Variants in SCN2A observed in about 807,000 individuals in gnomAD.
The protein encoded by SCN2A is sodium voltage-gated channel alpha subunit 2.
SCN2A carries 20 observed loss-of-function variants against 188.7 expected under a neutral mutation model. The ratio of observed to expected loss-of-function variants is 0.11; its 90% CI spans 0.07 to 0.15. SCN2A has a LOEUF of 0.15. SCN2A is among the 10% of genes least tolerant of loss of function. The probability of loss-of-function intolerance (pLI) is 1.00; values close to 1 mark genes in which losing one functional copy is unlikely to be tolerated. For missense variants in SCN2A, 1,278 were observed against 2,445.0 expected (o/e 0.52, Z 10.07); for synonymous variants, 804 against 833.1 (o/e 0.97, Z 0.60).
At chr2:165,356,653 T>C (rs1700194884) in intron 17 of SCN2A, among the ~76,000 whole-genome samples, 1 of 152,220 alleles carries the variant, frequency 6.6e-6, no homozygotes, top group South Asian at 2.1e-4. Context: ...ATTGGCTAGT[T>C]TAATCTTTTA....
Position 165,367,282 on chromosome 2 carries a change from A to G in SCN2A, c.3586A>G (p.Asn1196Asp), listed in dbSNP as rs796053199. The change falls in exon 19 of 27, where the codon AAT becomes GAT. Residue 1196 changes from asparagine (N) to aspartate (D), a missense_variant. This residue lies in a region of SCN2A where 228 missense variants were observed against 297.3 expected (regional missense o/e 0.77). Transcript: ENST00000375437. ...IEEGKGKLWWNLRKTCYKIVE... is the reference protein window; with the variant it reads ...IEEGKGKLWWDLRKTCYKIVE... Reference sequence around the variant, plus strand: ...AGAAGGCAAAGGGAAACTCTGGTGGAATTTGAGGAAAACATGCTATAAGAT... The same window carrying G: ...AGAAGGCAAAGGGAAACTCTGGTGGGATTTGAGGAAAACATGCTATAAGAT... 1 of 1,614,024 alleles carries G rather than the reference A, an allele frequency of 6.2e-7. No homozygotes were observed.
chr2:165,373,153 C>T (rs1404129868), intron 20 of SCN2A, 72 bp from the exon 21 acceptor site: 11 of 1,518,774 alleles, frequency 7.2e-6, no homozygotes, highest in Non-Finnish European at 8.2e-6. Flanking sequence ...TGATTCATTG[C>T]ATAGAGCAAG....
chr2:165,380,943 A>C, intron 24 of SCN2A, 150 bp from the exon 25 acceptor site: 1 of 686,838 alleles, frequency 1.5e-6, no homozygotes, highest in Non-Finnish European at 2.5e-6. Context: ...ATATGGCATA[A>C]TTTATATATT....
chr2:165,312,917 A>G (rs990664329), intron 8 of SCN2A, among the ~76,000 whole-genome samples: 1 of 152,144 alleles, frequency 6.6e-6, no homozygotes, highest in Admixed American at 6.6e-5. Context: ...GATCAGTGCT[A>G]TGCTGCCTTT....
chr2:165,277,651 G>A (rs116356414), intron 1 of SCN2A, among the ~76,000 whole-genome samples: 3,750 of 152,184 alleles, frequency 0.025, 161 homozygotes, highest in African/African-American at 0.085. Flanking sequence ...CAAAGTTTAG[G>A]TTACTTCTGA....
chr2:165,314,130 T>C (rs1697596469), intron 10 of SCN2A, 22 bp downstream of exon 10: 1 of 1,607,000 alleles, frequency 6.2e-7, no homozygotes, highest in South Asian at 1.1e-5. Flanking sequence ...AAGCATACGG[T>C]CCTTTGTTTT....
At position 165,315,679 on chromosome 2, in the gene SCN2A, G is replaced by C; in HGVS notation, c.1592G>C (p.Ser531Thr). The C allele has an allele frequency of 6.2e-7, 1 of 1,613,970 alleles. No individual in the cohort carries two copies. ...GTCCGAAAATCGGAATCTGAAGACA[G>C]CATAAGAAGAAAAGGTTTCCGTTTT... ...DRVRKSESED[S>T]IRRKGFRFSL... The change falls in exon 11 of 27, where the codon AGC becomes ACC. Residue 531 changes from serine (S) to threonine (T), a missense_variant. By Grantham distance (58) the Ser-to-Thr change is moderately conservative. Around this residue, in one of 17 missense-constraint regions of SCN2A, gnomAD observed 315 missense variants for 386.6 expected, o/e 0.81. Transcript: ENST00000375437.
chr2:165,294,160 G>A, intron 1 of SCN2A: 1 of 932,686 alleles, frequency 1.1e-6, no homozygotes, highest in Non-Finnish European at 1.3e-6. Context: ...TTCTTATTAT[G>A]CTTATTCTCT....
At chr2:165,314,297 A>T (rs73023770) in intron 10 of SCN2A, among the ~76,000 whole-genome samples, 189 bp downstream of exon 10, 1 of 152,168 alleles carries the variant, frequency 6.6e-6, no homozygotes. Flanking sequence ...TGTCAATAGT[A>T]ATGGCATCAA....
chr2:165,284,006 C>CCCAT (rs1475887188), intron 1 of SCN2A, among the ~76,000 whole-genome samples: 1 of 151,940 alleles, frequency 6.6e-6, no homozygotes, highest in African/African-American at 2.4e-5. Context: ...AAGAAATGAA[C>CCCAT]CCATGGTCTC....
chr2:165,245,338 C>T (rs1253246617), intron 1 of SCN2A: 1 of 152,108 alleles, frequency 6.6e-6, no homozygotes, highest in Non-Finnish European at 1.5e-5. Flanking sequence ...AGGGGTTTTT[C>T]TCCCTTTGCT....
rs909727361 is a variant in SCN2A at position 165,342,165 on chromosome 2, G to A, written c.2389-131G>A. 9.4e-6 allele frequency: 7 copies of A among 742,166 alleles called. No homozygotes were observed. The Admixed American group carries it at 1.6e-4, about 17-fold the overall frequency. The allele number at this position is 742,166 out of a possible 1,614,324, so 46.0% of individuals were successfully genotyped here. ...AATGCAAAGCATTTGTAGATACTAA[G>A]TTGTTGGACCTAAACCAATTTTTTA... On this transcript the variant is annotated intron_variant, in intron 14 of 26. Transcript: ENST00000375437.
chr2:165,365,014 T>C (rs992265433), intron 17 of SCN2A, 129 bp from the exon 18 acceptor site: 3 of 858,388 alleles, frequency 3.5e-6, no homozygotes, highest in Admixed American at 2.1e-5. Flanking sequence ...ATTGGCATTA[T>C]GTTTAAGTTC....
At chr2:165,251,731 T>C (rs1298403604) in intron 1 of SCN2A, among the ~76,000 whole-genome samples, 1 of 152,082 alleles carries the variant, frequency 6.6e-6, no homozygotes, top group Non-Finnish European at 1.5e-5. Context: ...CTAATATACC[T>C]TTGTAAATAA....
At chr2:165,345,658 A>T (rs1213032145) in intron 16 of SCN2A, among the ~76,000 whole-genome samples, 1 of 151,762 alleles carries the variant, frequency 6.6e-6, no homozygotes, top group East Asian at 1.9e-4. Context: ...TCTTGACTCT[A>T]TCCAATTTGC....
In SCN2A at chr2:165,354,542, T is replaced by C; in HGVS notation, c.3270T>C (p.Ser1090=). The change falls in exon 17 of 27, where the codon AGT becomes AGC. Residue 1090 remains serine (S), a synonymous_variant. Coordinates refer to ENST00000375437, the MANE Select transcript of SCN2A (RefSeq NM_001040142.2). The part of the protein sequence containing the change: ...SSVEKYVVDE[S]DYMSFINNPS... ...TAGAAAAATATGTCGTGGATGAAAG[T>C]GATTACATGTCATTTATAAACAACC... 6.2e-7 allele frequency: 1 copy of C among 1,614,096 alleles called. No individual in the cohort carries two copies. Among genetic ancestry groups the C allele is most frequent in the East Asian group, 2.2e-5 (1 of 44,852 alleles).
At chr2:165,355,067 T>A (rs2105338351) in intron 17 of SCN2A, among the ~76,000 whole-genome samples, 1 of 152,368 alleles carries the variant, frequency 6.6e-6, no homozygotes. Flanking sequence ...CTCATCTTGC[T>A]ATGTTCTTAG....
At chr2:165,328,568 A>C (rs1423163931) in intron 13 of SCN2A, 1 of 909,160 alleles carries the variant, frequency 1.1e-6, no homozygotes, top group Non-Finnish European at 1.3e-6. Context: ...CATGCTTTGC[A>C]CTTCTGATAG....
chr2:165,362,735 T>A (rs911397657), intron 17 of SCN2A, among the ~76,000 whole-genome samples: 7 of 152,056 alleles, frequency 4.6e-5, no homozygotes, highest in Non-Finnish European at 8.8e-5. Flanking sequence ...CCCCCAAATG[T>A]CTTACAAGCA....
Sources: allele counts gnomAD v4.1 joint callset (sites outside exome capture counted in the v4.1 genomes callset), GRCh38; gene constraint gnomAD v4.1.1; regional missense constraint gnomAD v4.1.1; transcripts MANE v1.5; gene names NCBI Gene and HGNC (gene_info 2026-07-23, HGNC 2026-07-21).